AIG1: variants seen among roughly 807,000 people sequenced by gnomAD.
The protein encoded by AIG1 is androgen-induced gene 1 protein.
AIG1 carries 23 observed loss-of-function variants against 31.4 expected under a neutral mutation model. That is an observed-to-expected ratio of 0.73 (90% CI 0.53 to 1.04). The LOEUF (loss-of-function observed/expected upper bound fraction) is 1.04. Among genes scored for constraint, AIG1 ranks in the 50% least tolerant of loss-of-function variants. The probability of loss-of-function intolerance (pLI) is 0.00; values close to 1 mark genes in which losing one functional copy is unlikely to be tolerated. For missense variants in AIG1, 274 were observed against 295.0 expected (o/e 0.93, Z 0.52); for synonymous variants, 100 against 110.5 (o/e 0.90, Z 0.60).
Position 143,273,861 on chromosome 6 carries a change from G to A in AIG1, c.400-10249G>A, listed in dbSNP as rs1796711203. Among the ~76,000 whole-genome samples the A allele has an allele frequency of 2.6e-5, 4 of 152,282 alleles. 1 individual carries two copies. In the South Asian group the frequency reaches 8.3e-4, roughly 32 times the overall value. ...AATTATGGGAGCTACAATTTAAGAT[G>A]AGAATTGGGTGAGGACACAGCCAAA... On this transcript the variant is annotated intron_variant, in intron 3 of 5. Coordinates refer to ENST00000357847, the MANE Select transcript of AIG1 (RefSeq NM_016108.4).
At chr6:143,343,219 G>A (rs937428847), downstream of AIG1, 17 of 682,552 alleles carry the variant, frequency 2.5e-5, no homozygotes, top group Middle Eastern at 3.2e-4. Context: ...ATGATCCTGG[G>A]ACGGAAATTT....
intron 3 of AIG1, among the ~76,000 whole-genome samples, chr6:143,209,952 G>A (rs1791455472): frequency 6.6e-6 from 1 of 152,192 alleles, no homozygotes. Context: ...CAGGAGCAGA[G>A]CGTCAAATAC....
At chr6:143,196,395 A>C (rs200426557) in intron 3 of AIG1, among the ~76,000 whole-genome samples, 33 of 136,860 alleles carry the variant, frequency 2.4e-4, no homozygotes, top group Admixed American at 1.0e-3. Context: ...ACACACACAC[A>C]CCCCAATTTG....
chr6:143,117,747 G>A (rs945933576), intron 1 of AIG1, among the ~76,000 whole-genome samples: 2 of 152,178 alleles, frequency 1.3e-5, no homozygotes, highest in African/African-American at 4.8e-5. Flanking sequence ...AGCTGCAAAA[G>A]AGAAGAGCTC....
chr6:143,304,798 A>G (rs1423533315), intron 4 of AIG1, among the ~76,000 whole-genome samples: 1 of 152,110 alleles, frequency 6.6e-6, no homozygotes. Context: ...TTCAGAAGGA[A>G]TGGTACCAAT....
In AIG1 at chr6:143,279,411, T is replaced by G. The variant is rs985773220; in HGVS notation, c.400-4699T>G. On this transcript the variant is annotated intron_variant, in intron 3 of 5. Coordinates refer to ENST00000357847, the MANE Select transcript of AIG1 (RefSeq NM_016108.4). The surrounding 1 kb of genome is among the most constrained non-coding windows in gnomAD (Gnocchi z 5.4). ...GGAAGGACAAAATCAGAACTAGATC[T>G]CAGATGCCAGCCTCCTAATCTTTCC... Among the ~76,000 whole-genome samples the G allele has an allele frequency of 6.6e-6, 1 of 152,248 alleles. No individual in the cohort carries two copies. Among genetic ancestry groups the G allele is most frequent in the African/African-American group, 2.4e-5 (1 of 41,458 alleles).
intron 3 of AIG1, among the ~76,000 whole-genome samples, chr6:143,182,208 A>G (rs1045743202): frequency 2.6e-5 from 4 of 152,010 alleles, no homozygotes; most frequent in African/African-American, 9.7e-5. Context: ...AATGTTTAAA[A>G]TTTTTTGTAG....
intron 1 of AIG1, among the ~76,000 whole-genome samples, chr6:143,123,719 G>A (rs890218238): frequency 6.6e-6 from 1 of 151,600 alleles, no homozygotes; most frequent in African/African-American, 2.4e-5. Flanking sequence ...TCTATTTTTT[G>A]TTATTCTTTA....
rs952665469 is a variant in AIG1 at position 143,280,908 on chromosome 6, T to A, written c.400-3202T>A. ...AAAAAAGTTCTGACTTTATGCTAGCTAATGTTATTGTTTATTATTATTGAT... is the reference window on the plus strand; with the variant it reads ...AAAAAAGTTCTGACTTTATGCTAGCAAATGTTATTGTTTATTATTATTGAT... On this transcript the variant is annotated intron_variant, in intron 3 of 5. Coordinates refer to ENST00000357847, the MANE Select transcript of AIG1 (RefSeq NM_016108.4). This position sits in a 1 kb window ranked among gnomAD's most constrained non-coding sequence, Gnocchi z 4.1. Among the ~76,000 whole-genome samples, 4 of 152,226 alleles carry A rather than the reference T, an allele frequency of 2.6e-5. No homozygotes were observed. Among genetic ancestry groups the A allele is most frequent in the African/African-American group, 9.6e-5 (4 of 41,458 alleles).
At chr6:143,091,260 C>A (rs1003720858) in intron 1 of AIG1, among the ~76,000 whole-genome samples, 1 of 152,202 alleles carries the variant, frequency 6.6e-6, no homozygotes, top group African/African-American at 2.4e-5. Context: ...GAATTGACTT[C>A]TTCCAAACTC....
chr6:143,078,719 C>G (rs747790018), intron 1 of AIG1, among the ~76,000 whole-genome samples: 9 of 152,122 alleles, frequency 5.9e-5, no homozygotes, highest in Non-Finnish European at 7.4e-5. Context: ...GAAACCACCC[C>G]CATGATTCAA....
chr6:143,107,284 C>G (rs1458511860), intron 1 of AIG1, among the ~76,000 whole-genome samples: 1 of 152,076 alleles, frequency 6.6e-6, no homozygotes, highest in African/African-American at 2.4e-5. Context: ...AATTTTCACA[C>G]AAATGAAGGA....
At chr6:143,109,711 C>G (rs1447925016) in intron 1 of AIG1, among the ~76,000 whole-genome samples, 1 of 151,922 alleles carries the variant, frequency 6.6e-6, no homozygotes, top group Non-Finnish European at 1.5e-5. Context: ...AGTCCTTTGC[C>G]GTTTAAAAAT....
chr6:143,216,177 T>G (rs1792014231), intron 3 of AIG1, among the ~76,000 whole-genome samples: 1 of 152,230 alleles, frequency 6.6e-6, no homozygotes, highest in Non-Finnish European at 1.5e-5. Context: ...TAAAAAGGGT[T>G]TCCTTCAGTA....
chr6:143,313,452 C>T (rs1456428563), intron 4 of AIG1, among the ~76,000 whole-genome samples: 3 of 151,958 alleles, frequency 2.0e-5, no homozygotes, highest in East Asian at 1.9e-4. Context: ...AAGCCAGGCG[C>T]GGAAAGACAA....
At chr6:143,124,854 C>A (rs1201833702) in intron 1 of AIG1, among the ~76,000 whole-genome samples, 2 of 152,064 alleles carry the variant, frequency 1.3e-5, no homozygotes, top group Non-Finnish European at 2.9e-5. Context: ...ATGTAGAAAC[C>A]ACCCCCATGA....
intron 1 of AIG1, among the ~76,000 whole-genome samples, chr6:143,068,280 A>G (rs775321350): frequency 6.6e-6 from 1 of 152,184 alleles, no homozygotes; most frequent in Admixed American, 6.5e-5. Context: ...CAACAGTACA[A>G]TTTTCCACAT....
chr6:143,294,434 T>C (rs577167684), intron 4 of AIG1, among the ~76,000 whole-genome samples: 1 of 152,336 alleles, frequency 6.6e-6, no homozygotes, highest in African/African-American at 2.4e-5. Flanking sequence ...TGCCTAAGCC[T>C]GTATTCTGCT....
intron 1 of AIG1, among the ~76,000 whole-genome samples, chr6:143,080,979 G>A (rs1452429969): frequency 1.3e-5 from 2 of 152,164 alleles, no homozygotes; most frequent in Non-Finnish European, 2.9e-5. Context: ...TCCCTGTAAT[G>A]TTTTAAGAAC....
Sources: allele counts gnomAD v4.1 joint callset (sites outside exome capture counted in the v4.1 genomes callset), GRCh38; gene constraint gnomAD v4.1.1; non-coding constraint Gnocchi (gnomAD v3.1); transcripts MANE v1.5; gene names NCBI Gene and HGNC (gene_info 2026-07-23, HGNC 2026-07-21).